The following SSBP3 variants were observed in gnomAD, a reference collection of about 807,000 sequenced individuals.
The protein encoded by SSBP3 is single stranded DNA binding protein 3.
A neutral mutation model predicts 69.6 loss-of-function variants in SSBP3; 5 were observed. The ratio of observed to expected loss-of-function variants is 0.07; its 90% CI spans 0.04 to 0.15. SSBP3 has a LOEUF of 0.15. SSBP3 is among the 10% of genes least tolerant of loss of function. SSBP3 has a pLI of 1.00. For synonymous variants in SSBP3, 196 were observed against 193.4 expected (o/e 1.01, Z -0.11); for missense variants, 312 against 534.0 (o/e 0.58, Z 4.10).
intron 4 of SSBP3, among the ~76,000 whole-genome samples, chr1:54,332,278 C>A (rs1369406760): frequency 2.0e-5 from 3 of 152,174 alleles, no homozygotes; most frequent in African/African-American, 7.2e-5. Context: ...TCCCACATGG[C>A]AGTCACAGAT....
chr1:54,341,986 A>C (rs1474026788), intron 4 of SSBP3, among the ~76,000 whole-genome samples: 1 of 152,238 alleles, frequency 6.6e-6, no homozygotes, highest in Non-Finnish European at 1.5e-5. Context: ...GCTGGAGGGC[A>C]AAGTTGTCCA....
At chr1:54,328,304 G>A (rs781243028) in intron 4 of SSBP3, among the ~76,000 whole-genome samples, 1 of 152,200 alleles carries the variant, frequency 6.6e-6, no homozygotes, top group Non-Finnish European at 1.5e-5. Context: ...CTGAAATCAG[G>A]ACTGCTGAGT....
At chr1:54,356,938 C>G (rs750479380) in intron 4 of SSBP3, 9 of 152,276 alleles carry the variant, frequency 5.9e-5, no homozygotes, top group Non-Finnish European at 8.8e-5. Flanking sequence ...TTCATAAAAT[C>G]ACACAGACGC....
At chr1:54,238,766 C>G (rs1644547491) in intron 14 of SSBP3, 1 of 326,820 alleles carries the variant, frequency 3.1e-6, no homozygotes, top group African/African-American at 2.5e-5. Flanking sequence ...GAAACAGACC[C>G]AGGAGGAGAG....
In SSBP3 at chr1:54,335,316, A is replaced by C. The variant is rs141239953; in HGVS notation, c.277-53789T>G. Among the ~76,000 whole-genome samples, 7 of 152,344 alleles carry C rather than the reference A, an allele frequency of 4.6e-5. No homozygotes were observed. The East Asian group carries it at 1.2e-3, about 25-fold the overall frequency. On this transcript the variant is annotated intron_variant, in intron 4 of 17. Coordinates refer to ENST00000610401, the Ensembl canonical transcript of SSBP3. Reference sequence around the variant, plus strand: ...ATTTCTTCAACATAAACAGAATCAGATTTATTACATTCCGACAATGTTTCT... The same window carrying C: ...ATTTCTTCAACATAAACAGAATCAGCTTTATTACATTCCGACAATGTTTCT...
chr1:54,227,372 C>T (rs1475089543), intron 17 of SSBP3, among the ~76,000 whole-genome samples: 1 of 152,172 alleles, frequency 6.6e-6, no homozygotes, highest in Non-Finnish European at 1.5e-5. Flanking sequence ...AGCCACTTCT[C>T]AGTGCCAGCC....
intron 4 of SSBP3, among the ~76,000 whole-genome samples, chr1:54,326,791 G>A (rs959273283): frequency 1.2e-4 from 19 of 152,130 alleles, no homozygotes; most frequent in Admixed American, 9.8e-4. Flanking sequence ...ACAGGCCTGT[G>A]GGTCTGATAC....
Position 54,342,191 on chromosome 1 carries a change from G to C in SSBP3, c.276+59670C>G, listed in dbSNP as rs72665938. On this transcript the variant is annotated intron_variant, in intron 4 of 17. Transcript: ENST00000610401. ...TGCAGAGTCCAGGCATCCAGGTCTG[G>C]AACTGGAAGGTACTTCGCAAAGTGC... is the stretch of plus-strand genomic sequence containing the variant. Among the ~76,000 whole-genome samples the C allele has an allele frequency of 1.1e-3, 166 of 152,364 alleles. 5 individuals are homozygous for C. The South Asian group carries it at 0.033, about 30-fold the overall frequency.
Position 54,303,290 on chromosome 1 carries a change from C to T in SSBP3, c.277-21763G>A, listed in dbSNP as rs1645836508. On this transcript the variant is annotated intron_variant, in intron 4 of 17. Coordinates refer to ENST00000610401, the Ensembl canonical transcript of SSBP3. Reference sequence around the variant, plus strand: ...CTCCTTGGTGCTCCTGCTACCAGTCCCTGTGCTAGATGATCCCTTTTGACA... The same window carrying T: ...CTCCTTGGTGCTCCTGCTACCAGTCTCTGTGCTAGATGATCCCTTTTGACA... Among the ~76,000 whole-genome samples, 5 of 152,058 alleles carry T rather than the reference C, an allele frequency of 3.3e-5. No homozygotes were observed. The South Asian group carries it at 1.0e-3, about 31-fold the overall frequency.
intron 4 of SSBP3, among the ~76,000 whole-genome samples, chr1:54,375,335 A>G (rs1473710232): frequency 7.5e-6 from 1 of 132,902 alleles, no homozygotes; most frequent in South Asian, 2.3e-4. Flanking sequence ...GGGGGATCAC[A>G]CTGCATGCAT....
At chr1:54,371,591 C>T (rs1254519167) in intron 4 of SSBP3, among the ~76,000 whole-genome samples, 1 of 152,156 alleles carries the variant, frequency 6.6e-6, no homozygotes, top group Non-Finnish European at 1.5e-5. Context: ...CCCAAGCTAC[C>T]GCCTCTTCTA....
At chr1:54,373,188 G>T (rs1647163472) in intron 4 of SSBP3, among the ~76,000 whole-genome samples, 1 of 152,140 alleles carries the variant, frequency 6.6e-6, no homozygotes, top group South Asian at 2.1e-4. Context: ...AACCAACAGG[G>T]GAAGTTGGTT....
At chr1:54,289,598 G>A (rs1645567667) in intron 4 of SSBP3, among the ~76,000 whole-genome samples, 1 of 152,170 alleles carries the variant, frequency 6.6e-6, no homozygotes, top group Non-Finnish European at 1.5e-5. Context: ...CAGGCGCTGT[G>A]AGCGGGGATT....
chr1:54,406,097 G>A (rs936957896), exon 1 of SSBP3: 22 of 1,099,152 alleles, frequency 2.0e-5, no homozygotes, highest in Middle Eastern at 3.2e-4. Context: ...CCTCGCTCCC[G>A]GCCCCCTCCC....
chr1:54,346,230 C>T (rs988162317), intron 4 of SSBP3, among the ~76,000 whole-genome samples: 1 of 150,800 alleles, frequency 6.6e-6, no homozygotes, highest in Non-Finnish European at 1.5e-5. Context: ...GAGGCTAAGG[C>T]AGGAGAATTG....
chr1:54,370,809 T>C (rs1020531885), intron 4 of SSBP3, among the ~76,000 whole-genome samples: 1 of 152,112 alleles, frequency 6.6e-6, no homozygotes, highest in Non-Finnish European at 1.5e-5. Flanking sequence ...AGAATGAGCA[T>C]GCGTGTGGTG....
intron 4 of SSBP3, among the ~76,000 whole-genome samples, chr1:54,385,831 T>C (rs1215445612): frequency 6.6e-6 from 1 of 152,220 alleles, no homozygotes; most frequent in Non-Finnish European, 1.5e-5. Flanking sequence ...CAGGTTACAC[T>C]GTGGATGGGG....
chr1:54,240,073 TGTGTGTGTGTGTGTGCGCGCGCGC>T (rs1644585334), intron 13 of SSBP3, among the ~76,000 whole-genome samples: 2 of 26,194 alleles, frequency 7.6e-5, no homozygotes, highest in African/African-American at 3.7e-4. Context: ...TGTGTGTGTG[TGTGTGTGTGTGTGTGCGCGCGCGC>T]GCGTGTGCGT....
intron 4 of SSBP3, among the ~76,000 whole-genome samples, 175 bp from the exon 5 acceptor site, chr1:54,281,702 A>T (rs1557491954): frequency 6.6e-6 from 1 of 152,122 alleles, no homozygotes; most frequent in Non-Finnish European, 1.5e-5. Flanking sequence ...GTTCCCACTG[A>T]CAGGACACAA....
Sources: allele counts gnomAD v4.1 joint callset (sites outside exome capture counted in the v4.1 genomes callset), GRCh38; gene constraint gnomAD v4.1.1; transcripts MANE v1.5; gene names NCBI Gene and HGNC (gene_info 2026-07-23, HGNC 2026-07-21).